The following USP20 variants were observed in gnomAD, a reference collection of about 807,000 sequenced individuals.
USP20 encodes ubiquitin specific peptidase 20, also known as ubiquitin carboxyl-terminal hydrolase 20.
In USP20, 80 loss-of-function variants were observed where a neutral mutation model predicts 124.2. That is an observed-to-expected ratio of 0.64 (90% CI 0.54 to 0.78). The LOEUF (loss-of-function observed/expected upper bound fraction) is 0.78. USP20 is among the 30% of genes least tolerant of loss of function. USP20 has a pLI of 0.00. For synonymous variants in USP20, 481 were observed against 512.3 expected, an observed-to-expected ratio of 0.94 and a Z score of 0.83; for missense variants, 1,043 against 1,244.4, an observed-to-expected ratio of 0.84 and a Z score of 2.44.
intron 3 of USP20, 141 bp from the exon 4 acceptor site, chr9:129,856,166 T>C (rs2033204991): frequency 1.2e-6 from 1 of 808,812 alleles, no homozygotes; most frequent in Non-Finnish European, 2.1e-6. Flanking sequence ...GCGAAGGCCT[T>C]TCTGGGGCCA....
rs550774025 is a variant in USP20 at position 129,879,347 on chromosome 9, C to G, written c.2513-226C>G. The G allele has an allele frequency of 7.4e-6, 4 of 543,802 alleles. No homozygotes were observed. The highest frequency in any genetic ancestry group is 3.3e-6 in the Non-Finnish European group (1 of 304,870). The allele number at this position is 543,802 out of a possible 1,614,324, so 33.7% of individuals were successfully genotyped here. On this transcript the variant is annotated intron_variant, in intron 23 of 25. Coordinates refer to ENST00000372429, the MANE Select transcript of USP20 (RefSeq NM_001110303.4). This position sits in a 1 kb window ranked among gnomAD's most constrained non-coding sequence, Gnocchi z 4.2. ...AGGGCATGGGCCATCCACCGCAGCT[C>G]CTGCGGCCAGCACAGAGTCTGAGAC...
At position 129,873,730 on chromosome 9, in the gene USP20, C is replaced by G. The variant is rs758614870; in HGVS notation, c.1726C>G (p.Leu576Val). 6.2e-7 allele frequency: 1 copy of G among 1,612,876 alleles called. No homozygotes were observed. Among genetic ancestry groups the G allele is most frequent in the South Asian group, 1.1e-5 (1 of 91,086 alleles). Residue 576 changes from leucine (L) to valine (V), a missense_variant, in exon 17 of 26, where the codon CTG becomes GTG. By Grantham distance (32) the Leu-to-Val change is conservative. Coordinates refer to ENST00000372429, the MANE Select transcript of USP20 (RefSeq NM_001110303.4). Reference protein sequence around the residue: ...LRNGVKYCKVLRLPEILCIHL... With the variant: ...LRNGVKYCKVVRLPEILCIHL... ...GAACGGAGTGAAGTACTGCAAAGTC[C>G]TGCGGTTGCCCGAGGTGAGCCAGTG...
chr9:129,871,870 C>T (rs1230032559), intron 15 of USP20, among the ~76,000 whole-genome samples: 1 of 152,014 alleles, frequency 6.6e-6, no homozygotes, highest in African/African-American at 2.4e-5. Flanking sequence ...GCACATGCCA[C>T]CACGGCTGGC....
At chr9:129,859,441 T>C (rs2033421224) in intron 6 of USP20, among the ~76,000 whole-genome samples, 1 of 150,580 alleles carries the variant, frequency 6.6e-6, no homozygotes, top group African/African-American at 2.4e-5. Flanking sequence ...GCCTGGCTAA[T>C]TTTCATATTT....
At chr9:129,838,601 C>G (rs76193749) in intron 1 of USP20, among the ~76,000 whole-genome samples, 1,815 of 152,260 alleles carry the variant, frequency 0.012, 16 homozygotes, top group Middle Eastern at 0.024. Context: ...TTCTAAACCC[C>G]TTTAAACTCT....
In USP20 at chr9:129,868,866, G is replaced by A. The variant is rs527264937; in HGVS notation, c.1140G>A (p.Pro380=). 2.0e-5 allele frequency: 32 copies of A among 1,567,430 alleles called. No homozygotes were observed. Among genetic ancestry groups the A allele is most frequent in the Admixed American group, 2.0e-4 (11 of 54,398 alleles). ...RSSSPCRTPE[P]DNDAHLRSSS... is the part of the protein sequence containing the mutation. ...TGGTACCCTCTCTGCCCCCAGAGCC[G>A]GACAATGATGCTCACCTACGCAGCT... The change falls in exon 12 of 26, where the codon CCG becomes CCA. Residue 380 remains proline, a synonymous_variant. Coordinates refer to ENST00000372429, the MANE Select transcript of USP20 (RefSeq NM_001110303.4).
At chr9:129,870,902 C>T (rs1310337889) in intron 15 of USP20, among the ~76,000 whole-genome samples, 2 of 152,122 alleles carry the variant, frequency 1.3e-5, no homozygotes, top group South Asian at 2.1e-4. Context: ...AAACATTGCC[C>T]ATTCCTGTTC....
rs540233667 is a variant in USP20, at chr9:129,846,773, C to T, written c.-128-3040C>T. Among the ~76,000 whole-genome samples, 7 of 151,400 alleles carry T rather than the reference C, an allele frequency of 4.6e-5. No individual in the cohort carries two copies. The East Asian group carries it at 1.4e-3, about 30-fold the overall frequency. ...TCCCTACTAGCTGGGAATACAGGCT[C>T]CCGCCACCACGCCCGGCTAATTTTT... On this transcript the variant is annotated intron_variant, in intron 1 of 25. Transcript: ENST00000372429.
Position 129,839,403 on chromosome 9 carries a change from G to A in USP20, c.-129+3904G>A, listed in dbSNP as rs2032061989. 6.6e-6 allele frequency among the ~76,000 whole-genome samples: 1 copy of A among 152,188 alleles called. No individual in the cohort carries two copies. The highest frequency in any genetic ancestry group is 2.4e-5 in the African/African-American group (1 of 41,444). On this transcript the variant is annotated intron_variant, in intron 1 of 25. Coordinates refer to ENST00000372429, the MANE Select transcript of USP20 (RefSeq NM_001110303.4). The surrounding 1 kb of genome is among the most constrained non-coding windows in gnomAD (Gnocchi z 4.5). ...GACACAGAAGTGTGTGGGCAGCAGAGACTGTGGAAGTGTGGAGGCATGGGG... is the reference window on the plus strand; with the variant it reads ...GACACAGAAGTGTGTGGGCAGCAGAAACTGTGGAAGTGTGGAGGCATGGGG...
intron 17 of USP20, 28 bp downstream of exon 17, chr9:129,873,772 C>T (rs1173681470): frequency 1.2e-6 from 2 of 1,608,716 alleles, no homozygotes; most frequent in East Asian, 2.2e-5. Context: ...GCAGCCTCCT[C>T]CTCAGCTATC....
chr9:129,861,690 C>G, intron 8 of USP20, 78 bp downstream of exon 8: 1 of 1,414,994 alleles, frequency 7.1e-7, no homozygotes, highest in Non-Finnish European at 9.9e-7. Flanking sequence ...CAGCCCCCAG[C>G]CGGTTGCCCA....
Position 129,868,212 on chromosome 9 carries a change from C to T in USP20, c.898C>T (p.Arg300Cys), listed in dbSNP as rs200929938. Residue 300 changes from arginine (R) to cysteine (C), a missense_variant, in exon 11 of 26, where the codon CGT (arginine) becomes TGT (cysteine). Coordinates refer to ENST00000372429, the MANE Select transcript of USP20 (RefSeq NM_001110303.4). Reference sequence around the variant, plus strand: ...CCGGGGTGAGGGTGACGGGCAGGGGCGTGGCGGGGGCAGCTCGCAGGCCGA... The same window carrying T: ...CCGGGGTGAGGGTGACGGGCAGGGGTGTGGCGGGGGCAGCTCGCAGGCCGA... ...SDRGEGDGQGRGGGSSQAETE... is the reference protein window; with the variant it reads ...SDRGEGDGQGCGGGSSQAETE... 3.7e-4 allele frequency: 601 copies of T among 1,613,902 alleles called. 1 individual carries two copies. The highest frequency in any genetic ancestry group is 4.8e-4 in the Non-Finnish European group (561 of 1,179,892).
At chr9:129,861,226 T>C (rs10760639) in intron 7 of USP20, among the ~76,000 whole-genome samples, 193 bp downstream of exon 7, 133,493 of 152,220 alleles carry the variant, frequency 0.88, 58,931 homozygotes, top group East Asian at 1. Context: ...TCTGGAGAGC[T>C]GGCTATCTTG....
intron 8 of USP20, among the ~76,000 whole-genome samples, chr9:129,862,760 G>A (rs1013632738): frequency 3.3e-5 from 5 of 151,374 alleles, no homozygotes; most frequent in African/African-American, 1.2e-4. Context: ...AAAAAAATTA[G>A]CCAGGCATTG....
At position 129,858,121 on chromosome 9, in the gene USP20, G is replaced by T. The variant is rs2033313151; in HGVS notation, c.198+9G>T. Reference sequence around the variant, plus strand: ...GCACCATTCATGCACAGGTGAGTGTGGTGGCTGAGAGTATGGGCCCTGCAG... The same window carrying T: ...GCACCATTCATGCACAGGTGAGTGTTGTGGCTGAGAGTATGGGCCCTGCAG... On this transcript the variant is annotated intron_variant, in intron 5 of 25. Coordinates refer to ENST00000372429, the MANE Select transcript of USP20 (RefSeq NM_001110303.4). 3.1e-6 allele frequency: 5 copies of T among 1,613,608 alleles called. No homozygotes were observed. Among genetic ancestry groups the T allele is most frequent in the Middle Eastern group, 1.7e-4 (1 of 6,060 alleles).
chr9:129,868,202 C>G lies in USP20; in HGVS notation c.888C>G (p.Asp296Glu), dbSNP rs780322247. ...CDSSSDRGEG[D>E]GQGRGGGSSQ... is the part of the protein sequence containing the mutation. The stretch of plus-strand genomic sequence containing the variant: ...CGAGCAGTGACCGGGGTGAGGGTGA[C>G]GGGCAGGGGCGTGGCGGGGGCAGCT... Residue 296 changes from aspartate (D) to glutamate (E), a missense_variant, in exon 11 of 26, where the codon GAC (aspartate) becomes GAG (glutamate). Physicochemically the swap from Asp to Glu is conservative, Grantham distance 45. Transcript: ENST00000372429. The G allele has an allele frequency of 2.5e-6, 4 of 1,613,824 alleles. No individual in the cohort carries two copies. The Admixed American group carries it at 6.7e-5, about 27-fold the overall frequency.
rs376110318 is a variant in USP20, at chr9:129,875,386, C to T, written c.2125C>T (p.Arg709Trp). 17 of 1,613,258 alleles carry T rather than the reference C, an allele frequency of 1.1e-5. No homozygotes were observed. The African/African-American group carries it at 1.1e-4, about 10-fold the overall frequency. Residue 709 changes from arginine to tryptophan, a missense_variant, in exon 20 of 26, where the codon CGG becomes TGG. Physicochemically the swap from Arg to Trp is moderately radical, Grantham distance 101 (BLOSUM62 -3). Transcript: ENST00000372429. ...CGCCATGCGGGAGCCCAGCCTGCTG[C>T]GGTTCTACGTGTCCCGCGAGTGGCT... ...LAAMREPSLL[R>W]FYVSREWLNK...
intron 4 of USP20, 76 bp from the exon 5 acceptor site, chr9:129,857,974 G>C: frequency 7.2e-7 from 1 of 1,387,492 alleles, no homozygotes; most frequent in South Asian, 1.2e-5. Flanking sequence ...ACTGACTTTG[G>C]GATGGAACCA....
chr9:129,874,557 G>T lies in USP20; in HGVS notation c.1741-19G>T. The stretch of plus-strand genomic sequence containing the variant: ...CATCATTTCTTCCTAGATGACCGGC[G>T]CTCTCTCTGTCCCCGCAGATCCTGT... On this transcript the variant is annotated intron_variant, in intron 17 of 25. Coordinates refer to ENST00000372429, the MANE Select transcript of USP20 (RefSeq NM_001110303.4). The T allele has an allele frequency of 6.2e-7, 1 of 1,610,796 alleles. No homozygotes were observed. Among genetic ancestry groups the T allele is most frequent in the African/African-American group, 1.3e-5 (1 of 74,998 alleles).
Sources: allele counts gnomAD v4.1 joint callset (sites outside exome capture counted in the v4.1 genomes callset), GRCh38; gene constraint gnomAD v4.1.1; non-coding constraint Gnocchi (gnomAD v3.1); transcripts MANE v1.5; gene names NCBI Gene and HGNC (gene_info 2026-07-23, HGNC 2026-07-21).